Variants in MYO18B observed in about 807,000 individuals in gnomAD.
MYO18B encodes unconventional myosin-XVIIIb.
Under a neutral mutation model 273.0 loss-of-function variants are expected in MYO18B, and 204 were observed. The ratio of observed to expected loss-of-function variants is 0.75; its 90% CI spans 0.67 to 0.84. MYO18B has a LOEUF of 0.84. Ranked by LOEUF, MYO18B falls within the 40% of genes least tolerant of loss-of-function variation. MYO18B has a pLI of 0.00. For missense variants in MYO18B, 3,212 were observed against 3,287.6 expected, an observed-to-expected ratio of 0.98 and a Z score of 0.56; for synonymous variants, 1,330 against 1,305.7, an observed-to-expected ratio of 1.02 and a Z score of -0.40.
chr22:25,870,336 T>C (rs2091011624), intron 22 of MYO18B, among the ~76,000 whole-genome samples: 1 of 152,236 alleles, frequency 6.6e-6, no homozygotes, highest in African/African-American at 2.4e-5. Context: ...CTGGGTTAGA[T>C]GGCACAGCCT....
In MYO18B at chr22:25,882,440, A is replaced by T. The variant is rs892566128; in HGVS notation, c.4314+4392A>T. The stretch of plus-strand genomic sequence containing the variant: ...GGTGTTAGGGAAATTTATTCCATGG[A>T]TTCTCATAAAAGGGGCACTAAGGCA... On this transcript the variant is annotated intron_variant, in intron 25 of 43. Coordinates refer to ENST00000335473, the MANE Select transcript of MYO18B (RefSeq NM_032608.7). Among the ~76,000 whole-genome samples, 14 of 152,084 alleles carry T rather than the reference A, an allele frequency of 9.2e-5. 1 individual carries two copies. Among genetic ancestry groups the T allele is most frequent in the Admixed American group, 7.9e-4 (12 of 15,262 alleles).
chr22:25,976,015 T>G (rs117467934), intron 39 of MYO18B, among the ~76,000 whole-genome samples: 12 of 152,180 alleles, frequency 7.9e-5, no homozygotes, highest in East Asian at 1.9e-4. Context: ...CTTACCCTTA[T>G]GCCTGTAGCT....
At chr22:26,009,106 T>A (rs2146938367) in intron 42 of MYO18B, among the ~76,000 whole-genome samples, 1 of 152,312 alleles carries the variant, frequency 6.6e-6, no homozygotes, top group East Asian at 1.9e-4. Context: ...TTCCCTCTGA[T>A]CTCTCCCCAT....
At chr22:26,037,456 C>T in the MYO18B span, among the ~76,000 whole-genome samples, 2 of 152,190 alleles carry the variant, frequency 1.3e-5, no homozygotes, top group African/African-American at 4.8e-5. Context: ...GAGCTCCTGA[C>T]TCTTCATTCA....
At position 25,768,741 on chromosome 22, in the gene MYO18B, G is replaced by T. The variant is rs1469840586; in HGVS notation, c.825G>T (p.Glu275Asp). Reference sequence around the variant, plus strand: ...GGCCCCAAGCCCAAGGGCCCGGCGAGGGGGTGCGACCAGGGAAAGCAGAGA... The same window carrying T: ...GGCCCCAAGCCCAAGGGCCCGGCGATGGGGTGCGACCAGGGAAAGCAGAGA... ...GTRPQAQGPG[E>D]GVRPGKAEKE... The change falls in exon 4 of 44, where the codon GAG becomes GAT. Residue 275 changes from glutamate to aspartate, a missense_variant. Transcript: ENST00000335473. The T allele has an allele frequency of 1.2e-6, 2 of 1,602,108 alleles. No homozygotes were observed. Among genetic ancestry groups the T allele is most frequent in the Non-Finnish European group, 8.5e-7 (1 of 1,174,386 alleles).
At chr22:25,757,550 A>G (rs1033843524) in intron 1 of MYO18B, among the ~76,000 whole-genome samples, 1 of 151,786 alleles carries the variant, frequency 6.6e-6, no homozygotes, top group Non-Finnish European at 1.5e-5. Flanking sequence ...CCGTGCCATT[A>G]TACTCCAGCC....
chr22:25,829,913 T>C (rs2089646733), intron 15 of MYO18B, among the ~76,000 whole-genome samples: 2 of 151,890 alleles, frequency 1.3e-5, no homozygotes, highest in East Asian at 3.9e-4. Context: ...ACCAGAAGCA[T>C]ATAGCTCAGT....
chr22:25,765,121 C>A (rs945058453), intron 3 of MYO18B, among the ~76,000 whole-genome samples: 4 of 152,078 alleles, frequency 2.6e-5, no homozygotes, highest in Admixed American at 6.5e-5. Flanking sequence ...TGGATGGGGA[C>A]AAACTGTCAC....
chr22:25,831,844 C>T (rs530404765), intron 15 of MYO18B, among the ~76,000 whole-genome samples: 29 of 152,296 alleles, frequency 1.9e-4, no homozygotes, highest in East Asian at 9.6e-4. Flanking sequence ...ACGGCTGACA[C>T]GCTGCATGAT....
chr22:26,021,783 A>G (rs73404469), intron 42 of MYO18B, among the ~76,000 whole-genome samples: 2,795 of 152,250 alleles, frequency 0.018, 80 homozygotes, highest in African/African-American at 0.064. Flanking sequence ...CTGTGCCTGG[A>G]GGTCATAATC....
chr22:25,946,884 T>C (rs1302138447), intron 35 of MYO18B, among the ~76,000 whole-genome samples: 4 of 152,240 alleles, frequency 2.6e-5, no homozygotes, highest in Admixed American at 1.3e-4. Context: ...TACCCTGTGC[T>C]CACCCCTGAA....
chr22:25,836,921 C>CA (rs1177396431), intron 17 of MYO18B, among the ~76,000 whole-genome samples: 1 of 151,580 alleles, frequency 6.6e-6, no homozygotes, highest in Non-Finnish European at 1.5e-5. Flanking sequence ...AAGATCGCAC[C>CA]AGGGCACTCC....
intron 34 of MYO18B, among the ~76,000 whole-genome samples, chr22:25,925,653 C>T (rs1487964506): frequency 6.6e-6 from 1 of 152,058 alleles, no homozygotes; most frequent in African/African-American, 2.4e-5. Flanking sequence ...ACCTGTAATC[C>T]CAGCACTTTG....
At chr22:25,814,676 A>G (rs561718327) in intron 12 of MYO18B, among the ~76,000 whole-genome samples, 3 of 152,242 alleles carry the variant, frequency 2.0e-5, no homozygotes, top group African/African-American at 7.2e-5. Context: ...GAGAACTCCA[A>G]TATGTATGAG....
At chr22:25,773,227 C>G (rs962570440) in intron 7 of MYO18B, among the ~76,000 whole-genome samples, 6 of 152,192 alleles carry the variant, frequency 3.9e-5, no homozygotes, top group African/African-American at 1.4e-4. Flanking sequence ...GGGTCTCCTA[C>G]CGGGCCACGC....
At chr22:26,032,994 T>A (rs8139339), downstream of MYO18B, among the ~76,000 whole-genome samples, 4,086 of 152,172 alleles carry the variant, frequency 0.027, 188 homozygotes, top group African/African-American at 0.091. Flanking sequence ...TCATACAGAA[T>A]GAATATTATT....
chr22:25,940,074 A>G (rs1402569951), intron 34 of MYO18B, among the ~76,000 whole-genome samples: 5 of 152,204 alleles, frequency 3.3e-5, no homozygotes, highest in African/African-American at 1.2e-4. Context: ...ATACAGCTGT[A>G]CTCAGCAGTC....
chr22:25,765,531 T>C (rs554342239), intron 3 of MYO18B, among the ~76,000 whole-genome samples: 2 of 152,310 alleles, frequency 1.3e-5, no homozygotes, highest in Admixed American at 1.3e-4. Context: ...GTATTGAATG[T>C]CAAGGAGACC....
intron 28 of MYO18B, chr22:25,897,026 T>G (rs1385740689): frequency 6.6e-6 from 1 of 152,204 alleles, no homozygotes; most frequent in Non-Finnish European, 1.5e-5. Context: ...TATTTCTTCT[T>G]CCCCGAGCAA....
Sources: gnomAD v4.1 joint callset for allele counts (sites outside exome capture counted in the v4.1 genomes callset) on GRCh38, gnomAD v4.1.1 for gene constraint, MANE v1.5 for transcripts, NCBI Gene and HGNC (gene_info 2026-07-23, HGNC 2026-07-21) for gene names.